HPS1: variants seen among roughly 807,000 people sequenced by gnomAD.
The protein encoded by HPS1 is BLOC-3 complex member HPS1.
HPS1 carries 59 observed loss-of-function variants against 90.6 expected under a neutral mutation model. That is an observed-to-expected ratio of 0.65 (90% CI 0.53 to 0.81). The LOEUF is 0.81. Ranked by LOEUF, HPS1 falls within the 30% of genes least tolerant of loss-of-function variation. The pLI, the probability that HPS1 is intolerant of heterozygous loss-of-function variation, is 0.00. For synonymous variants in HPS1, 388 were observed against 384.4 expected, an observed-to-expected ratio of 1.01 and a Z score of -0.11; for missense variants, 849 against 896.7, an observed-to-expected ratio of 0.95 and a Z score of 0.68.
At chr10:98,418,827 G>A (rs1844467045) in intron 18 of HPS1, among the ~76,000 whole-genome samples, 1 of 152,250 alleles carries the variant, frequency 6.6e-6, no homozygotes, top group African/African-American at 2.4e-5. Context: ...CCACAGCTCT[G>A]CCTCACTTTA....
In HPS1 at chr10:98,425,906, T is replaced by G. The variant is rs374389539; in HGVS notation, c.1067A>C (p.Asn356Thr). 146 of 1,614,124 alleles carry G rather than the reference T, an allele frequency of 9.0e-5. No individual in the cohort carries two copies. The highest frequency in any genetic ancestry group is 4.5e-4 in the Admixed American group (27 of 60,028). The change falls in exon 12 of 20, where the codon AAC becomes ACC. Residue 356 changes from asparagine to threonine, a missense_variant. Coordinates refer to ENST00000361490, the MANE Select transcript of HPS1 (RefSeq NM_000195.5). ...TAGGGGGCAGTAGCTTTCCTTCACG[T>G]TGGCATCCAGGAAGATCCTTCTGGG... ...SGPRRIFLDA[N>T]VKESYCPLVP...
At chr10:98,415,232 G>T, downstream of HPS1, 1 of 1,463,204 alleles carries the variant, frequency 6.8e-7, no homozygotes, top group Non-Finnish European at 9.1e-7. Flanking sequence ...GAAGCAGGAA[G>T]AGGAGGAGCT....
chr10:98,427,387 G>T, intron 10 of HPS1, 123 bp from the exon 11 acceptor site: 1 of 776,256 alleles, frequency 1.3e-6, no homozygotes, highest in Non-Finnish European at 2.2e-6. Flanking sequence ...CCAGCTCCAC[G>T]CAGGGGTGCT....
In HPS1 at chr10:98,433,821, C is replaced by A. The variant is rs538687608; in HGVS notation, c.507+162G>T. ...ACCATGGGAAAGCCCATCAGGGTAC[C>A]CAACCCTCCATATGGCCAGAAAGAA... On this transcript the variant is annotated intron_variant, in intron 6 of 19. Coordinates refer to ENST00000361490, the MANE Select transcript of HPS1 (RefSeq NM_000195.5). 5.0e-6 allele frequency: 5 copies of A among 1,005,860 alleles called. No individual in the cohort carries two copies. In the African/African-American group the frequency reaches 6.4e-5, roughly 13 times the overall value. 62.3% of individuals were successfully genotyped at this position (1,005,860 alleles called of 1,614,324 possible).
At chr10:98,425,027 G>A (rs892006014) in intron 13 of HPS1, among the ~76,000 whole-genome samples, 1 of 152,232 alleles carries the variant, frequency 6.6e-6, no homozygotes, top group African/African-American at 2.4e-5. Context: ...ACGGGGTGAT[G>A]GACTGTTTCT....
chr10:98,425,066 G>A (rs750145086), intron 13 of HPS1, among the ~76,000 whole-genome samples: 18 of 152,198 alleles, frequency 1.2e-4, no homozygotes, highest in Admixed American at 8.5e-4. Context: ...CCTGTCTCCT[G>A]GTCTCAGCTC....
chr10:98,423,285 C>CCCA (rs1554887508), intron 16 of HPS1, among the ~76,000 whole-genome samples: 25 of 150,326 alleles, frequency 1.7e-4, no homozygotes, highest in Admixed American at 1.1e-3. Context: ...AGGAACCCCC[C>CCCA]CCCCGGTCCC....
At position 98,417,497 on chromosome 10, in the gene HPS1, T is replaced by G; in HGVS notation, c.*67A>C. ...CACTGCAGACAGGAGGCTCTCGTCA[T>G]GGGGAACAGTGGCAAGCAAGGGTGG... is the stretch of plus-strand genomic sequence containing the variant. On this transcript the variant is annotated 3_prime_UTR_variant, in exon 20 of 20. Transcript: ENST00000361490. This position sits in a 1 kb window ranked among gnomAD's most constrained non-coding sequence, Gnocchi z 4.2. 1 of 1,403,100 alleles carries G rather than the reference T, an allele frequency of 7.1e-7. No homozygotes were observed. Among genetic ancestry groups the G allele is most frequent in the Non-Finnish European group, 9.8e-7 (1 of 1,015,270 alleles). 86.9% of individuals were successfully genotyped at this position (1,403,100 alleles called of 1,614,324 possible). A position where few individuals can be genotyped will look rare whatever the true frequency, so the allele number is the denominator to read the frequency against.
Position 98,445,007 on chromosome 10 carries a change from C to T in HPS1, c.-1+293G>A, listed in dbSNP as rs1354177115. On this transcript the variant is annotated intron_variant, in intron 2 of 19. Transcript: ENST00000361490. This position sits in a 1 kb window ranked among gnomAD's most constrained non-coding sequence, Gnocchi z 4.5. ...GATGGGCAGGTCAAGGTCATGAAGG[C>T]GGTCATCTAGGTGCGGGTGTCAGGT... is the stretch of plus-strand genomic sequence containing the variant. 2.6e-5 allele frequency among the ~76,000 whole-genome samples: 4 copies of T among 152,086 alleles called. No individual in the cohort carries two copies. Among genetic ancestry groups the T allele is most frequent in the Admixed American group, 6.5e-5 (1 of 15,268 alleles).
rs116698870 is a variant in HPS1, at chr10:98,418,200, C to T, written c.1915G>A (p.Gly639Ser). Residue 639 changes from glycine to serine, a missense_variant, in exon 19 of 20, where the codon GGC becomes AGC. Physicochemically the swap from Gly to Ser is moderately conservative, Grantham distance 56. Coordinates refer to ENST00000361490, the MANE Select transcript of HPS1 (RefSeq NM_000195.5). Reference protein sequence around the residue: ...PVLSDDSVPIGMLGGDYYRKL... With the variant: ...PVLSDDSVPISMLGGDYYRKL... ...CTGTAGTAGTCTCCTCCCAGCATGC[C>T]GATAGGCACTGAGTCGTCGGAGAGG... 1,179 of 1,609,146 alleles carry T rather than the reference C, an allele frequency of 7.3e-4. No homozygotes were observed. The highest frequency in any genetic ancestry group is 9.1e-4 in the Non-Finnish European group (1,075 of 1,176,690).
At chr10:98,420,755 T>C (rs921569335) in intron 17 of HPS1, among the ~76,000 whole-genome samples, 1 of 151,902 alleles carries the variant, frequency 6.6e-6, no homozygotes, top group African/African-American at 2.4e-5. Flanking sequence ...ATTAGTGAAA[T>C]GATCATTCAG....
chr10:98,430,602 G>A lies in HPS1; in HGVS notation c.737C>T (p.Pro246Leu), dbSNP rs1009657226. The A allele has an allele frequency of 3.9e-6, 6 of 1,555,438 alleles. No homozygotes were observed. Among genetic ancestry groups the A allele is most frequent in the African/African-American group, 1.4e-5 (1 of 73,294 alleles). The change falls in exon 8 of 20, where the codon CCC (proline) becomes CTC (leucine). Residue 246 changes from proline (P) to leucine (L), a missense_variant. By Grantham distance (98) the Pro-to-Leu change is moderately conservative. Transcript: ENST00000361490. The part of the protein sequence containing the change: ...ALILLVQDLY[P>L]SESTAEDDIQ... ...GTCGTCCTCTGCTGTGCTCTCGCTG[G>A]GGTAGAGGTCCTGAACCAGGAGGAT...
chr10:98,429,114 T>G, intron 10 of HPS1: 1 of 807,722 alleles, frequency 1.2e-6, no homozygotes, highest in African/African-American at 1.9e-5. Flanking sequence ...AGTGCTGGGA[T>G]TACAGGCGTG....
chr10:98,418,283 T>C (rs1402595647), intron 18 of HPS1, 26 bp from the exon 19 acceptor site: 3 of 1,450,018 alleles, frequency 2.1e-6, no homozygotes, highest in Non-Finnish European at 2.9e-6. Context: ...AGGGAGGCAG[T>C]GGGTGTGGGG....
chr10:98,432,119 C>T (rs11599112), intron 6 of HPS1, among the ~76,000 whole-genome samples: 19,247 of 152,196 alleles, frequency 0.13, 1,481 homozygotes, highest in South Asian at 0.22. Context: ...ACTCAGTAAG[C>T]GTGGACAAGA....
At chr10:98,426,056 G>C in intron 11 of HPS1, 71 bp from the exon 12 acceptor site, 1 of 1,324,956 alleles carries the variant, frequency 7.5e-7, no homozygotes, top group Non-Finnish European at 1.1e-6. Flanking sequence ...GGCCCTATCT[G>C]TGAACCACAA....
intron 6 of HPS1, among the ~76,000 whole-genome samples, chr10:98,433,172 C>A (rs577857732): frequency 6.8e-6 from 1 of 147,972 alleles, no homozygotes; most frequent in East Asian, 2.0e-4. Flanking sequence ...GCAGAGGTCA[C>A]AGTGAGCCAA....
rs748768550 is a variant in HPS1 at position 98,418,201 on chromosome 10, G to A, written c.1914C>T (p.Ile638=). ...TGTAGTAGTCTCCTCCCAGCATGCC[G>A]ATAGGCACTGAGTCGTCGGAGAGGA... ...VPVLSDDSVP[I]GMLGGDYYRK... The change falls in exon 19 of 20, where the codon ATC becomes ATT. Residue 638 remains isoleucine, a synonymous_variant. Transcript: ENST00000361490. The A allele has an allele frequency of 4.3e-6, 7 of 1,609,538 alleles. No individual in the cohort carries two copies. Among genetic ancestry groups the A allele is most frequent in the Non-Finnish European group, 4.2e-6 (5 of 1,176,922 alleles).
Position 98,417,351 on chromosome 10 carries a change from C to A in HPS1, c.*213G>T, listed in dbSNP as rs1193546393. ...TTTACAAACAGGACCCCTGGGCTTCCCTCTTCCTCCAGAGAGAAGGATCTG... is the reference window on the plus strand; with the variant it reads ...TTTACAAACAGGACCCCTGGGCTTCACTCTTCCTCCAGAGAGAAGGATCTG... On this transcript the variant is annotated 3_prime_UTR_variant, in exon 20 of 20. Transcript: ENST00000361490. This position sits in a 1 kb window ranked among gnomAD's most constrained non-coding sequence, Gnocchi z 4.2. 4 of 522,076 alleles carry A rather than the reference C, an allele frequency of 7.7e-6. No individual in the cohort carries two copies. Among genetic ancestry groups the A allele is most frequent in the Non-Finnish European group, 1.4e-5 (4 of 295,340 alleles). 32.3% of individuals were successfully genotyped at this position (522,076 alleles called of 1,614,324 possible). A position where few individuals can be genotyped will look rare whatever the true frequency, so the allele number is the denominator to read the frequency against.
Sources: allele counts gnomAD v4.1 joint callset (sites outside exome capture counted in the v4.1 genomes callset), GRCh38; gene constraint gnomAD v4.1.1; non-coding constraint Gnocchi (gnomAD v3.1); transcripts MANE v1.5; gene names NCBI Gene and HGNC (gene_info 2026-07-23, HGNC 2026-07-21).